Variants in DYNC2LI1 observed in about 807,000 individuals in gnomAD.
DYNC2LI1 encodes the protein dynein cytoplasmic 2 light intermediate chain 1.
Under a neutral mutation model 51.9 loss-of-function variants are expected in DYNC2LI1, and 45 were observed. That is an observed-to-expected ratio of 0.87 (90% confidence interval 0.68 to 1.11). The LOEUF is 1.11. Ranked by LOEUF, DYNC2LI1 falls within the 50% of genes most tolerant of loss-of-function variation. The pLI, the probability that DYNC2LI1 is intolerant of heterozygous loss-of-function variation, is 0.00. For missense variants in DYNC2LI1, 490 were observed against 417.4 expected (o/e 1.17, Z -1.51); for synonymous variants, 130 against 137.8 (o/e 0.94, Z 0.40).
chr2:43,797,075 T>G (rs1665886255), intron 8 of DYNC2LI1, among the ~76,000 whole-genome samples: 5 of 152,226 alleles, frequency 3.3e-5, no homozygotes, highest in Admixed American at 3.3e-4. Context: ...ATCTATTTAT[T>G]CATTTTTGGT....
the DYNC2LI1 span, among the ~76,000 whole-genome samples, chr2:43,815,306 C>A: frequency 2.0e-5 from 3 of 152,318 alleles, no homozygotes; most frequent in South Asian, 6.2e-4. Flanking sequence ...AAAATTCTTT[C>A]TGTTTGCAAG....
chr2:43,801,763 G>A, intron 10 of DYNC2LI1, 54 bp downstream of exon 10: 1 of 1,357,780 alleles, frequency 7.4e-7, no homozygotes, highest in Non-Finnish European at 1.0e-6. Flanking sequence ...TATTGATTTT[G>A]TCCTACTCCA....
chr2:43,822,920 G>T, the DYNC2LI1 span: 2 of 1,613,958 alleles, frequency 1.2e-6, no homozygotes, highest in Non-Finnish European at 1.7e-6. Context: ...GTCGCTGACA[G>T]CTCGCAGCAC....
chr2:43,774,457 C>T (rs1027420965), intron 1 of DYNC2LI1, among the ~76,000 whole-genome samples: 10 of 152,196 alleles, frequency 6.6e-5, no homozygotes, highest in African/African-American at 2.2e-4. Flanking sequence ...ATGAGCTAGA[C>T]CACAAAGCCT....
chr2:43,807,768 AAAAAAG>A (rs1666321488), intron 12 of DYNC2LI1, among the ~76,000 whole-genome samples: 2 of 150,510 alleles, frequency 1.3e-5, no homozygotes, highest in East Asian at 1.9e-4. Context: ...AAAAAAAAAA[AAAAAAG>A]GTTACAGTTA....
At chr2:43,788,636 C>T (rs926989906) in intron 4 of DYNC2LI1, among the ~76,000 whole-genome samples, 2 of 151,962 alleles carry the variant, frequency 1.3e-5, no homozygotes, top group South Asian at 2.1e-4. Flanking sequence ...CTTTTTCTTT[C>T]GGAGACAAGG....
rs568956263 is a variant in DYNC2LI1 at position 43,808,107 on chromosome 2, A to G, written c.994-1598A>G. ...TTAAAGACAAAGTTTGCAGTAAACA[A>G]TTTGTTTATTCTTTATGAGTTAATC... On this transcript the variant is annotated intron_variant, in intron 12 of 12. Coordinates refer to ENST00000260605, the MANE Select transcript of DYNC2LI1 (RefSeq NM_016008.4). 4.6e-5 allele frequency among the ~76,000 whole-genome samples: 7 copies of G among 152,334 alleles called. No homozygotes were observed. The South Asian group carries it at 1.4e-3, about 32-fold the overall frequency.
At chr2:43,813,398 T>C (rs2104742821), downstream of DYNC2LI1, 2 of 922,210 alleles carry the variant, frequency 2.2e-6, no homozygotes, top group Non-Finnish European at 1.7e-6. Context: ...CTAAGTACCC[T>C]TAATGAAAAA....
chr2:43,803,905 A>G lies in DYNC2LI1; in HGVS notation c.803-737A>G, dbSNP rs116606406. On this transcript the variant is annotated intron_variant, in intron 10 of 12. Transcript: ENST00000260605. Reference sequence around the variant, plus strand: ...TTAAATTTTTCAAATTAAATTATACAAGTAACACATAAAGATATCTCCTTG... The same window carrying G: ...TTAAATTTTTCAAATTAAATTATACGAGTAACACATAAAGATATCTCCTTG... Among the ~76,000 whole-genome samples, 5 of 152,320 alleles carry G rather than the reference A, an allele frequency of 3.3e-5. No individual in the cohort carries two copies. The East Asian group carries it at 5.8e-4, about 18-fold the overall frequency.
At chr2:43,819,838 C>T in the DYNC2LI1 span, 2 of 1,500,348 alleles carry the variant, frequency 1.3e-6, no homozygotes, top group Non-Finnish European at 1.9e-6. Context: ...TCTGGTATTC[C>T]TTTACTTCAG....
chr2:43,823,742 T>C, the DYNC2LI1 span, among the ~76,000 whole-genome samples: 11 of 152,198 alleles, frequency 7.2e-5, no homozygotes, highest in Admixed American at 2.6e-4. Context: ...AGCTCATTCA[T>C]ATTAACGTGT....
At chr2:43,782,267 A>G (rs1262762348) in intron 2 of DYNC2LI1, among the ~76,000 whole-genome samples, 2 of 152,150 alleles carry the variant, frequency 1.3e-5, no homozygotes, top group Admixed American at 6.5e-5. Flanking sequence ...TCAATAATAT[A>G]CATTTTTATA....
the DYNC2LI1 span, chr2:43,823,823 C>G: frequency 3.4e-6 from 5 of 1,475,456 alleles, no homozygotes; most frequent in Non-Finnish European, 4.6e-6. Context: ...AGAGAAAAAC[C>G]CTTATAATGG....
chr2:43,815,858 T>C, the DYNC2LI1 span, among the ~76,000 whole-genome samples: 1 of 140,214 alleles, frequency 7.1e-6, no homozygotes, highest in African/African-American at 2.7e-5. Flanking sequence ...AAAATTAACG[T>C]GACTCCAGCA....
At chr2:43,819,866 T>C in the DYNC2LI1 span, 2 of 1,585,364 alleles carry the variant, frequency 1.3e-6, no homozygotes, top group East Asian at 2.2e-5. Flanking sequence ...TAGGTGATCA[T>C]TAATAACAGA....
chr2:43,778,517 A>T, intron 2 of DYNC2LI1, among the ~76,000 whole-genome samples: 1 of 152,218 alleles, frequency 6.6e-6, no homozygotes. Context: ...ATAGTACTTA[A>T]CAGTTTCCTA....
At chr2:43,774,747 A>T (rs1190734482) in intron 1 of DYNC2LI1, among the ~76,000 whole-genome samples, 2 of 152,090 alleles carry the variant, frequency 1.3e-5, no homozygotes, top group Non-Finnish European at 1.5e-5. Flanking sequence ...TCTCCTTGGG[A>T]TAGTGTGGAG....
At chr2:43,779,031 G>A (rs988260940) in intron 2 of DYNC2LI1, among the ~76,000 whole-genome samples, 7 of 152,144 alleles carry the variant, frequency 4.6e-5, no homozygotes, top group African/African-American at 1.4e-4. Flanking sequence ...TGAGGCAGAT[G>A]GATTGCTTGA....
the DYNC2LI1 span, among the ~76,000 whole-genome samples, chr2:43,826,826 T>C: frequency 6.6e-6 from 1 of 152,306 alleles, no homozygotes; most frequent in East Asian, 1.9e-4. Context: ...GAACAAGGGC[T>C]GGCAGGCTGG....
Sources: allele counts gnomAD v4.1 joint callset (sites outside exome capture counted in the v4.1 genomes callset), GRCh38; gene constraint gnomAD v4.1.1; transcripts MANE v1.5; gene names NCBI Gene and HGNC (gene_info 2026-07-23, HGNC 2026-07-21).